PPA2: variants seen among roughly 807,000 people sequenced by gnomAD.
PPA2 encodes the protein inorganic pyrophosphatase 2, mitochondrial.
A neutral mutation model predicts 49.5 loss-of-function variants in PPA2; 48 were observed. The ratio of observed to expected loss-of-function variants is 0.97; its 90% CI spans 0.77 to 1.23. The LOEUF is 1.23. PPA2 is among the 50% of genes most tolerant of loss of function. The probability of loss-of-function intolerance (pLI) is 0.00; values close to 1 mark genes in which losing one functional copy is unlikely to be tolerated. For synonymous variants in PPA2, 131 were observed against 139.9 expected, an observed-to-expected ratio of 0.94 and a Z score of 0.45; for missense variants, 429 against 410.1, an observed-to-expected ratio of 1.05 and a Z score of -0.40.
intron 5 of PPA2, among the ~76,000 whole-genome samples, chr4:105,440,860 T>C (rs1724328416): frequency 6.6e-6 from 1 of 152,130 alleles, no homozygotes; most frequent in Admixed American, 6.5e-5. Flanking sequence ...AAGTAGAAAA[T>C]TCTTAAACTC....
intron 10 of PPA2, among the ~76,000 whole-genome samples, chr4:105,385,730 C>T (rs1399960523): frequency 6.6e-6 from 1 of 152,044 alleles, no homozygotes; most frequent in Non-Finnish European, 1.5e-5. Context: ...GCAGCATTAT[C>T]ACTAAGACAT....
intron 1 of PPA2, among the ~76,000 whole-genome samples, chr4:105,466,827 A>G (rs1342900800): frequency 6.6e-6 from 1 of 152,174 alleles, no homozygotes. Context: ...AGCACTTGGG[A>G]AAGGGACCAT....
chr4:105,371,614 T>C (rs1398681861), intron 10 of PPA2, among the ~76,000 whole-genome samples: 2 of 152,200 alleles, frequency 1.3e-5, no homozygotes, highest in Non-Finnish European at 2.9e-5. Context: ...TCAAATTTAA[T>C]AATTAACTTC....
intron 10 of PPA2, among the ~76,000 whole-genome samples, chr4:105,374,497 C>T (rs1224938450): frequency 2.0e-5 from 3 of 152,192 alleles, no homozygotes; most frequent in Non-Finnish European, 4.4e-5. Flanking sequence ...AAAACTCTAA[C>T]GGTTTCATTG....
chr4:105,443,782 A>G (rs1724482472), intron 5 of PPA2, among the ~76,000 whole-genome samples: 1 of 151,944 alleles, frequency 6.6e-6, no homozygotes, highest in Non-Finnish European at 1.5e-5. Context: ...TTCCTTTTTG[A>G]TACTCACACA....
intron 1 of PPA2, among the ~76,000 whole-genome samples, chr4:105,472,390 A>G (rs12498981): frequency 0.14 from 22,032 of 152,212 alleles, 1,681 homozygotes; most frequent in South Asian, 0.24. Context: ...GAATCTCTGT[A>G]CTATGCCTAA....
intron 10 of PPA2, among the ~76,000 whole-genome samples, chr4:105,380,942 A>G (rs1733464527): frequency 6.6e-6 from 1 of 152,148 alleles, no homozygotes; most frequent in East Asian, 1.9e-4. Flanking sequence ...AATTATAGGC[A>G]TCAAGTTTAC....
intron 7 of PPA2, among the ~76,000 whole-genome samples, chr4:105,403,262 CTTGAA>C (rs1474225131): frequency 2.0e-5 from 3 of 152,040 alleles, no homozygotes; most frequent in Non-Finnish European, 2.9e-5. Flanking sequence ...CCAGGCTGGT[CTTGAA>C]CTCCTGGGCT....
At chr4:105,455,277 TC>T (rs1286628052) in intron 2 of PPA2, among the ~76,000 whole-genome samples, 1 of 152,212 alleles carries the variant, frequency 6.6e-6, no homozygotes, top group Admixed American at 6.5e-5. Flanking sequence ...GTTTGAAAGT[TC>T]AGTGGCCAAA....
intron 5 of PPA2, 131 bp downstream of exon 5, chr4:105,446,252 T>C (rs190182274): frequency 8.0e-6 from 8 of 998,928 alleles, no homozygotes; most frequent in Non-Finnish European, 9.8e-6. Flanking sequence ...TCCACGTTAA[T>C]AAATTCCAAA....
At chr4:105,388,005 C>A (rs1181065783) in intron 9 of PPA2, among the ~76,000 whole-genome samples, 1 of 132,626 alleles carries the variant, frequency 7.5e-6, no homozygotes, top group Non-Finnish European at 1.5e-5. Flanking sequence ...AACATTATAA[C>A]TAAACCAAAG....
At chr4:105,423,854 G>A (rs1360596780) in intron 7 of PPA2, among the ~76,000 whole-genome samples, 2 of 152,014 alleles carry the variant, frequency 1.3e-5, no homozygotes, top group African/African-American at 2.4e-5. Flanking sequence ...TGCCAGTATC[G>A]TATGCTTTTA....
At chr4:105,473,711 G>A in intron 1 of PPA2, 183 bp downstream of exon 1, 1 of 946,508 alleles carries the variant, frequency 1.1e-6, no homozygotes, top group Non-Finnish European at 1.7e-6. Flanking sequence ...CTCCTCGCTG[G>A]CAGTTCTCGT....
At chr4:105,454,367 G>T (rs1429023622) in intron 2 of PPA2, among the ~76,000 whole-genome samples, 1 of 151,932 alleles carries the variant, frequency 6.6e-6, no homozygotes, top group Non-Finnish European at 1.5e-5. Context: ...TCGCTCTGTC[G>T]CCCAGGCTGG....
At chr4:105,437,600 C>T (rs1553927912) in intron 6 of PPA2, among the ~76,000 whole-genome samples, 1 of 152,082 alleles carries the variant, frequency 6.6e-6, no homozygotes, top group Non-Finnish European at 1.5e-5. Context: ...AGATGGTAGA[C>T]ATAAAATAAT....
chr4:105,393,632 T>C (rs1560609907), intron 9 of PPA2, among the ~76,000 whole-genome samples: 1 of 151,720 alleles, frequency 6.6e-6, no homozygotes, highest in Non-Finnish European at 1.5e-5. Context: ...ACTAATACAC[T>C]AGGTTTAAAG....
chr4:105,383,765 T>A (rs1315746583), intron 10 of PPA2, among the ~76,000 whole-genome samples: 1 of 152,182 alleles, frequency 6.6e-6, no homozygotes, highest in Non-Finnish European at 1.5e-5. Flanking sequence ...GAGCTGTTAA[T>A]TCGCTCATTC....
intron 6 of PPA2, 41 bp downstream of exon 6, chr4:105,437,905 TAAAC>T: frequency 6.8e-7 from 1 of 1,480,860 alleles, no homozygotes; most frequent in Non-Finnish European, 9.1e-7. Context: ...ATGGCATGAA[TAAAC>T]CAAAACTCAC....
chr4:105,404,052 C>T (rs375980857), intron 7 of PPA2, among the ~76,000 whole-genome samples: 1 of 151,562 alleles, frequency 6.6e-6, no homozygotes, highest in Admixed American at 6.6e-5. Flanking sequence ...CTTCAAAAGC[C>T]AAATTGATAA....
Sources: allele counts gnomAD v4.1 joint callset (sites outside exome capture counted in the v4.1 genomes callset), GRCh38; gene constraint gnomAD v4.1.1; transcripts MANE v1.5; gene names NCBI Gene and HGNC (gene_info 2026-07-23, HGNC 2026-07-21).